TMEM178B: variants seen among roughly 807,000 people sequenced by gnomAD.
TMEM178B encodes the protein transmembrane protein 178B.
In TMEM178B, 5 loss-of-function variants were observed where a neutral mutation model predicts 31.0. That is an observed-to-expected ratio of 0.16 (90% CI 0.08 to 0.34). TMEM178B has a LOEUF of 0.34. Among genes scored for constraint, TMEM178B ranks in the 10% least tolerant of loss-of-function variants. The pLI, the probability that TMEM178B is intolerant of heterozygous loss-of-function variation, is 1.00. For missense variants in TMEM178B, 275 were observed against 400.3 expected, an observed-to-expected ratio of 0.69 and a Z score of 2.67; for synonymous variants, 164 against 164.0, an observed-to-expected ratio of 1.00 and a Z score of 0.00.
At chr7:141,078,555 T>C (rs1430268065) in intron 1 of TMEM178B, among the ~76,000 whole-genome samples, 1 of 152,182 alleles carries the variant, frequency 6.6e-6, no homozygotes, top group African/African-American at 2.4e-5. Flanking sequence ...TCCTCAGAAT[T>C]TGCATAGTCT....
intron 2 of TMEM178B, among the ~76,000 whole-genome samples, chr7:141,233,762 T>C (rs1797484009): frequency 6.6e-6 from 1 of 152,194 alleles, no homozygotes; most frequent in Admixed American, 6.5e-5. Flanking sequence ...AATGTACTTC[T>C]CCCTTTTGCA....
chr7:141,410,689 G>A (rs932083572), intron 2 of TMEM178B, among the ~76,000 whole-genome samples: 29 of 152,032 alleles, frequency 1.9e-4, no homozygotes, highest in African/African-American at 7.0e-4. Flanking sequence ...AGCGGAGCCA[G>A]GTCCTAACCC....
At chr7:141,107,880 A>G (rs1795171427) in intron 1 of TMEM178B, among the ~76,000 whole-genome samples, 1 of 152,346 alleles carries the variant, frequency 6.6e-6, no homozygotes, top group East Asian at 1.9e-4. Flanking sequence ...TATAACAAAA[A>G]GAGTTCCTGG....
At chr7:141,118,440 A>C (rs527447275) in intron 1 of TMEM178B, among the ~76,000 whole-genome samples, 47 of 152,362 alleles carry the variant, frequency 3.1e-4, no homozygotes, top group Admixed American at 3.0e-3. Flanking sequence ...TGGGGAGGAT[A>C]ATAAATAATG....
chr7:141,384,120 C>A (rs1366347149), intron 2 of TMEM178B, among the ~76,000 whole-genome samples: 6 of 152,096 alleles, frequency 3.9e-5, no homozygotes, highest in Non-Finnish European at 7.4e-5. Flanking sequence ...GGATATTAGC[C>A]CTTTGTCAGA....
intron 2 of TMEM178B, among the ~76,000 whole-genome samples, chr7:141,241,546 C>T (rs1005497082): frequency 2.0e-5 from 3 of 148,726 alleles, no homozygotes; most frequent in South Asian, 2.1e-4. Context: ...TCTGAGATCC[C>T]GCTGTTGCAC....
intron 2 of TMEM178B, among the ~76,000 whole-genome samples, chr7:141,399,060 C>T (rs1388904557): frequency 2.6e-5 from 4 of 152,330 alleles, no homozygotes; most frequent in South Asian, 4.1e-4. Context: ...CACCTGTTTT[C>T]TTCCTTTGCT....
intron 2 of TMEM178B, among the ~76,000 whole-genome samples, chr7:141,375,246 A>G (rs1057092158): frequency 6.6e-6 from 1 of 152,116 alleles, no homozygotes; most frequent in Non-Finnish European, 1.5e-5. Context: ...AACTTGATGG[A>G]CTCTGACACA....
intron 3 of TMEM178B, among the ~76,000 whole-genome samples, chr7:141,462,933 A>G (rs1239670145): frequency 6.6e-6 from 1 of 152,110 alleles, no homozygotes; most frequent in Non-Finnish European, 1.5e-5. Flanking sequence ...AGGAGGGGAC[A>G]GTCATCAAAG....
intron 2 of TMEM178B, among the ~76,000 whole-genome samples, chr7:141,368,555 G>A (rs943944051): frequency 6.6e-6 from 1 of 152,126 alleles, no homozygotes; most frequent in Non-Finnish European, 1.5e-5. Context: ...AGTACTTCAA[G>A]AATATGAAAC....
intron 2 of TMEM178B, among the ~76,000 whole-genome samples, chr7:141,412,087 A>C (rs922294620): frequency 1.3e-5 from 2 of 152,110 alleles, no homozygotes; most frequent in Admixed American, 6.5e-5. Context: ...CTGTATCCCC[A>C]AAGAGCATCT....
At chr7:141,385,854 T>C (rs10258537) in intron 2 of TMEM178B, among the ~76,000 whole-genome samples, 42,653 of 152,110 alleles carry the variant, frequency 0.28, 6,517 homozygotes, top group African/African-American at 0.39. Flanking sequence ...GAAGATAACT[T>C]CTTCTCTCTA....
intron 2 of TMEM178B, among the ~76,000 whole-genome samples, chr7:141,231,287 G>A (rs1797438729): frequency 6.7e-6 from 1 of 149,254 alleles, no homozygotes; most frequent in South Asian, 2.2e-4. Context: ...CATGCTTTGG[G>A]GCTCCTGACC....
intron 1 of TMEM178B, among the ~76,000 whole-genome samples, chr7:141,189,752 G>T (rs962384667): frequency 1.3e-5 from 2 of 152,196 alleles, no homozygotes; most frequent in African/African-American, 4.8e-5. Context: ...TCTAGGAAAG[G>T]TCAGCCCTGC....
chr7:141,156,967 G>A (rs1796080685), intron 1 of TMEM178B, among the ~76,000 whole-genome samples: 1 of 152,186 alleles, frequency 6.6e-6, no homozygotes, highest in Admixed American at 6.5e-5. Context: ...TCTAAGCTGG[G>A]CTGGCCTCCC....
At chr7:141,223,773 C>T (rs111502521) in intron 2 of TMEM178B, among the ~76,000 whole-genome samples, 1,544 of 152,244 alleles carry the variant, frequency 0.01, 16 homozygotes, top group Non-Finnish European at 0.017. Context: ...ATTCAACGTT[C>T]CAATCAGCAC....
At chr7:141,366,187 A>G (rs1800001322) in intron 2 of TMEM178B, among the ~76,000 whole-genome samples, 1 of 152,184 alleles carries the variant, frequency 6.6e-6, no homozygotes, top group East Asian at 1.9e-4. Flanking sequence ...AGCATTTATT[A>G]TTAATAACCT....
At chr7:141,291,072 C>T (rs1798538027) in intron 2 of TMEM178B, among the ~76,000 whole-genome samples, 1 of 152,188 alleles carries the variant, frequency 6.6e-6, no homozygotes, top group Non-Finnish European at 1.5e-5. Flanking sequence ...AGGCAGGAAT[C>T]TATTTGATGT....
intron 1 of TMEM178B, among the ~76,000 whole-genome samples, chr7:141,100,115 G>C (rs896494930): frequency 6.6e-6 from 1 of 152,076 alleles, no homozygotes; most frequent in Non-Finnish European, 1.5e-5. Context: ...CACTGCGCCC[G>C]ACCAAAATGG....
Sources: allele counts gnomAD v4.1 joint callset (sites outside exome capture counted in the v4.1 genomes callset), GRCh38; gene constraint gnomAD v4.1.1; transcripts MANE v1.5; gene names NCBI Gene and HGNC (gene_info 2026-07-23, HGNC 2026-07-21).